ADGRB3: variants seen among roughly 807,000 people sequenced by gnomAD.
The protein encoded by ADGRB3 is adhesion G protein-coupled receptor B3.
Under a neutral mutation model 193.4 loss-of-function variants are expected in ADGRB3, and 37 were observed. That is an observed-to-expected ratio of 0.19 (90% CI 0.15 to 0.25). ADGRB3 has a LOEUF of 0.25. Among genes scored for constraint, ADGRB3 ranks in the 10% least tolerant of loss-of-function variants. The pLI, the probability that ADGRB3 is intolerant of heterozygous loss-of-function variation, is 1.00. For missense variants in ADGRB3, 1,637 were observed against 1,852.9 expected, an observed-to-expected ratio of 0.88 and a Z score of 2.14; for synonymous variants, 690 against 644.2, an observed-to-expected ratio of 1.07 and a Z score of -1.08.
rs149129353 is a variant in ADGRB3 at position 69,130,386 on chromosome 6, A to C, written c.2480+54348A>C. On this transcript the variant is annotated intron_variant, in intron 17 of 31. Transcript: ENST00000370598. The stretch of plus-strand genomic sequence containing the variant: ...ATTCTTTTAATGCATTGTCTTGGCT[A>C]TCTTAGTATGCCCAGTTCTGAACAC... 3.0e-4 allele frequency among the ~76,000 whole-genome samples: 45 copies of C among 151,878 alleles called. No homozygotes were observed. The East Asian group carries it at 8.7e-3, about 30-fold the overall frequency.
intron 3 of ADGRB3, among the ~76,000 whole-genome samples, chr6:68,747,021 G>A (rs547197896): frequency 3.9e-5 from 6 of 152,144 alleles, no homozygotes; most frequent in Admixed American, 1.3e-4. Context: ...AGTAGTGAAG[G>A]CTTACACAGA....
chr6:69,081,269 G>T (rs1267502045), intron 17 of ADGRB3, among the ~76,000 whole-genome samples: 1 of 151,778 alleles, frequency 6.6e-6, no homozygotes, highest in Non-Finnish European at 1.5e-5. Flanking sequence ...TGAAAATACT[G>T]AAAATACTAG....
At chr6:68,836,659 A>G (rs920728424) in intron 3 of ADGRB3, among the ~76,000 whole-genome samples, 1 of 152,114 alleles carries the variant, frequency 6.6e-6, no homozygotes, top group Non-Finnish European at 1.5e-5. Flanking sequence ...GCAACAACAC[A>G]TAATTTCTTA....
chr6:69,368,709 A>G lies in ADGRB3; in HGVS notation c.4240-3697A>G, dbSNP rs560521104. ...TGCAGCAAGAAAGAGGGGGAAAAAT[A>G]AGAAGACTGAGAGCTGATGAGTGTT... On this transcript the variant is annotated intron_variant, in intron 29 of 31. Transcript: ENST00000370598. Among the ~76,000 whole-genome samples, 5 of 152,196 alleles carry G rather than the reference A, an allele frequency of 3.3e-5. No individual in the cohort carries two copies. In the South Asian group the frequency reaches 1.0e-3, roughly 32 times the overall value.
intron 17 of ADGRB3, among the ~76,000 whole-genome samples, chr6:69,193,309 G>A (rs1280767394): frequency 6.6e-6 from 1 of 152,112 alleles, no homozygotes; most frequent in Admixed American, 6.6e-5. Flanking sequence ...TAGATGGCAG[G>A]TACTTGTCAG....
At chr6:69,102,458 G>A (rs566196477) in intron 17 of ADGRB3, among the ~76,000 whole-genome samples, 1 of 152,146 alleles carries the variant, frequency 6.6e-6, no homozygotes, top group Non-Finnish European at 1.5e-5. Flanking sequence ...TTTTAAGAAA[G>A]ACCAACTTTT....
At chr6:69,053,664 A>C (rs1582425231) in intron 15 of ADGRB3, among the ~76,000 whole-genome samples, 1 of 152,292 alleles carries the variant, frequency 6.6e-6, no homozygotes, top group East Asian at 1.9e-4. Context: ...AGAGTGAGAT[A>C]TTGACACACA....
intron 3 of ADGRB3, among the ~76,000 whole-genome samples, chr6:68,888,163 G>C (rs1029879396): frequency 6.6e-6 from 1 of 152,132 alleles, no homozygotes; most frequent in Non-Finnish European, 1.5e-5. Context: ...GGAGCTCATG[G>C]AACAATCAAG....
At chr6:68,966,302 T>A (rs1042645348) in intron 8 of ADGRB3, among the ~76,000 whole-genome samples, 2 of 152,138 alleles carry the variant, frequency 1.3e-5, no homozygotes, top group African/African-American at 4.8e-5. Context: ...CAGCTCTCTT[T>A]CTTTCAACCC....
chr6:69,352,910 G>A (rs1769257662), intron 26 of ADGRB3, among the ~76,000 whole-genome samples: 1 of 152,132 alleles, frequency 6.6e-6, no homozygotes, highest in African/African-American at 2.4e-5. Flanking sequence ...CTATAATGAT[G>A]CATCAGTAAA....
At chr6:69,180,980 A>C (rs1352602710) in intron 17 of ADGRB3, among the ~76,000 whole-genome samples, 1 of 152,158 alleles carries the variant, frequency 6.6e-6, no homozygotes, top group African/African-American at 2.4e-5. Flanking sequence ...CCTCTCTGCA[A>C]GTCAACTCCA....
intron 3 of ADGRB3, among the ~76,000 whole-genome samples, chr6:68,861,035 G>A (rs1304971375): frequency 6.6e-6 from 1 of 152,068 alleles, no homozygotes; most frequent in Non-Finnish European, 1.5e-5. Context: ...ACCACAGATG[G>A]ATCTTATTTT....
intron 17 of ADGRB3, among the ~76,000 whole-genome samples, chr6:69,112,069 A>G (rs1042582175): frequency 3.3e-5 from 5 of 152,246 alleles, no homozygotes; most frequent in African/African-American, 4.8e-5. Context: ...ATAAATATCT[A>G]AAAAATCAAG....
chr6:69,039,207 C>A (rs1002201889), intron 13 of ADGRB3, among the ~76,000 whole-genome samples: 1 of 145,620 alleles, frequency 6.9e-6, no homozygotes, highest in Non-Finnish European at 1.5e-5. Context: ...GAACAAAGTA[C>A]TTATTTTAAG....
intron 3 of ADGRB3, among the ~76,000 whole-genome samples, chr6:68,734,321 G>A (rs1377987088): frequency 6.6e-6 from 1 of 152,004 alleles, no homozygotes; most frequent in African/African-American, 2.4e-5. Flanking sequence ...CCCAGGTAGG[G>A]TGAATTTGAA....
At chr6:68,915,988 T>C (rs907310426) in intron 3 of ADGRB3, among the ~76,000 whole-genome samples, 2 of 150,792 alleles carry the variant, frequency 1.3e-5, no homozygotes, top group East Asian at 1.9e-4. Context: ...ATAAAAAATA[T>C]AAAGAAAAAT....
At chr6:68,840,550 C>CAG (rs1768135385) in intron 3 of ADGRB3, among the ~76,000 whole-genome samples, 1 of 151,790 alleles carries the variant, frequency 6.6e-6, no homozygotes, top group South Asian at 2.1e-4. Flanking sequence ...GCCCCAAGGG[C>CAG]CTGTGCTGGT....
At chr6:68,653,501 C>CT (rs1251235016) in intron 3 of ADGRB3, among the ~76,000 whole-genome samples, 2 of 152,008 alleles carry the variant, frequency 1.3e-5, no homozygotes, top group African/African-American at 4.8e-5. Context: ...ACATTGTACT[C>CT]TGAGGTAGCT....
chr6:69,240,844 A>G (rs915953661), intron 20 of ADGRB3, among the ~76,000 whole-genome samples: 8 of 151,946 alleles, frequency 5.3e-5, no homozygotes, highest in Non-Finnish European at 7.4e-5. Flanking sequence ...TTTTTTAACT[A>G]CTTGTCCTTC....
Sources: allele counts gnomAD v4.1 joint callset (sites outside exome capture counted in the v4.1 genomes callset), GRCh38; gene constraint gnomAD v4.1.1; transcripts MANE v1.5; gene names NCBI Gene and HGNC (gene_info 2026-07-23, HGNC 2026-07-21).